PRKG1: variants seen among roughly 807,000 people sequenced by gnomAD.
PRKG1 encodes the protein cGMP-dependent protein kinase 1.
A neutral mutation model predicts 88.1 loss-of-function variants in PRKG1; 35 were observed. That is an observed-to-expected ratio of 0.40 (90% confidence interval 0.30 to 0.53). The LOEUF (loss-of-function observed/expected upper bound fraction) is 0.53, where lower values mean the gene tolerates loss of function less well. Ranked by LOEUF, PRKG1 falls within the 20% of genes least tolerant of loss-of-function variation. The pLI, the probability that PRKG1 is intolerant of heterozygous loss-of-function variation, is 0.59. For missense variants in PRKG1, 540 were observed against 839.8 expected (o/e 0.64, Z 4.41); for synonymous variants, 303 against 292.5 (o/e 1.04, Z -0.37).
intron 2 of PRKG1, among the ~76,000 whole-genome samples, chr10:51,230,264 G>A (rs372634276): frequency 1.2e-4 from 18 of 152,138 alleles, no homozygotes; most frequent in Admixed American, 9.2e-4. Context: ...GTTTCAGAAG[G>A]GTATATGCAC....
At chr10:51,265,122 T>C (rs1031675556) in intron 2 of PRKG1, among the ~76,000 whole-genome samples, 1 of 152,140 alleles carries the variant, frequency 6.6e-6, no homozygotes, top group African/African-American at 2.4e-5. Flanking sequence ...AATTCAAACA[T>C]GTTCTGGGCA....
chr10:51,597,529 A>C lies in PRKG1; in HGVS notation c.592+129693A>C, dbSNP rs16920086. On this transcript the variant is annotated intron_variant, in intron 3 of 17. Coordinates refer to ENST00000373980, the MANE Select transcript of PRKG1 (RefSeq NM_006258.4). ...CTCTTGGCATATCTCATATTCCTTC[A>C]TAAATCAATTTTTAAATCACATTGA... 5.3e-4 allele frequency among the ~76,000 whole-genome samples: 80 copies of C among 152,346 alleles called. 1 individual carries two copies. In the East Asian group the frequency reaches 0.011, roughly 20 times the overall value.
intron 2 of PRKG1, among the ~76,000 whole-genome samples, chr10:51,408,248 T>C (rs893709791): frequency 3.3e-5 from 5 of 152,220 alleles, no homozygotes; most frequent in Admixed American, 6.5e-5. Context: ...GTTGGTATTG[T>C]AATTGTGACT....
chr10:51,241,623 A>G (rs1053398929), intron 2 of PRKG1, among the ~76,000 whole-genome samples: 1 of 152,140 alleles, frequency 6.6e-6, no homozygotes, highest in Admixed American at 6.6e-5. Context: ...CCAAACCTAT[A>G]AAGTGACAGC....
chr10:51,080,648 G>A (rs761699328), intron 1 of PRKG1, among the ~76,000 whole-genome samples: 2 of 152,210 alleles, frequency 1.3e-5, no homozygotes, highest in Non-Finnish European at 1.5e-5. Flanking sequence ...AGCACATGCT[G>A]AAAGCAGCAT....
intron 3 of PRKG1, among the ~76,000 whole-genome samples, chr10:51,485,024 C>T (rs1203105440): frequency 6.6e-6 from 1 of 152,146 alleles, no homozygotes; most frequent in African/African-American, 2.4e-5. Context: ...GAAATTTGAG[C>T]TTCAGGCTGT....
chr10:51,100,998 C>G (rs915743497), intron 1 of PRKG1, among the ~76,000 whole-genome samples: 1 of 152,132 alleles, frequency 6.6e-6, no homozygotes, highest in Non-Finnish European at 1.5e-5. Flanking sequence ...GAAGTTTTCA[C>G]CAAGGGAGTC....
rs543544382 is a variant in PRKG1, at chr10:52,069,850, G to A, written c.935+7219G>A. On this transcript the variant is annotated intron_variant, in intron 7 of 17. Transcript: ENST00000373980. The stretch of plus-strand genomic sequence containing the variant: ...TGAAATATTATTCTGTTTCATTCTC[G>A]GTCAATATATTATTTTTTTCTTTTC... Among the ~76,000 whole-genome samples the A allele has an allele frequency of 9.9e-5, 15 of 151,154 alleles. No individual in the cohort carries two copies. In the East Asian group the frequency reaches 2.3e-3, roughly 24 times the overall value.
At chr10:51,763,817 CCTT>C (rs60839142) in intron 3 of PRKG1, among the ~76,000 whole-genome samples, 3,302 of 152,094 alleles carry the variant, frequency 0.022, 120 homozygotes, top group African/African-American at 0.075. Flanking sequence ...TTAGTGAGGG[CCTT>C]CTTAGTGGTG....
chr10:51,066,662 T>C lies in PRKG1; in HGVS notation c.266+75018T>C, dbSNP rs189552941. Among the ~76,000 whole-genome samples the C allele has an allele frequency of 1.3e-3, 201 of 152,294 alleles. 1 individual carries two copies. Among genetic ancestry groups the C allele is most frequent in the Non-Finnish European group, 2.1e-3 (141 of 67,974 alleles). On this transcript the variant is annotated intron_variant, in intron 1 of 17. Transcript: ENST00000401604. Reference sequence around the variant, plus strand: ...TTAAACAATGTATATATTTACCATTTATTTACATGGTATATACAGTATGTA... The same window carrying C: ...TTAAACAATGTATATATTTACCATTCATTTACATGGTATATACAGTATGTA...
chr10:52,058,548 G>C (rs1295167786), intron 6 of PRKG1, among the ~76,000 whole-genome samples: 1 of 152,008 alleles, frequency 6.6e-6, no homozygotes, highest in Non-Finnish European at 1.5e-5. Flanking sequence ...ATCAGTAAAT[G>C]AAAGTAACTG....
intron 4 of PRKG1, among the ~76,000 whole-genome samples, chr10:51,850,349 G>T (rs1024709117): frequency 1.3e-5 from 2 of 152,042 alleles, no homozygotes; most frequent in Non-Finnish European, 2.9e-5. Context: ...GCTAATTTTT[G>T]TATTTTTAGT....
At chr10:51,799,939 T>C (rs758791334) in intron 3 of PRKG1, among the ~76,000 whole-genome samples, 21 of 152,098 alleles carry the variant, frequency 1.4e-4, no homozygotes, top group African/African-American at 5.1e-4. Context: ...ATCATTTATA[T>C]TGAAATACTG....
chr10:52,045,262 G>C (rs991422444), intron 5 of PRKG1, among the ~76,000 whole-genome samples: 8 of 152,008 alleles, frequency 5.3e-5, no homozygotes, highest in African/African-American at 1.9e-4. Context: ...GTCCTATCTA[G>C]TGGGGATCAG....
chr10:51,330,156 ATTTT>A (rs68018506), intron 2 of PRKG1, among the ~76,000 whole-genome samples: 1 of 117,080 alleles, frequency 8.5e-6, no homozygotes, highest in Non-Finnish European at 1.8e-5. Flanking sequence ...TTTTTTATTT[ATTTT>A]TTTTTTTTGA....
chr10:52,038,423 A>G (rs1845672008), intron 5 of PRKG1, among the ~76,000 whole-genome samples: 1 of 151,494 alleles, frequency 6.6e-6, no homozygotes, highest in African/African-American at 2.4e-5. Flanking sequence ...TAAGGGGTCG[A>G]GCATGGAAAT....
At chr10:51,621,465 A>G (rs1839210492) in intron 3 of PRKG1, among the ~76,000 whole-genome samples, 1 of 152,096 alleles carries the variant, frequency 6.6e-6, no homozygotes, top group African/African-American at 2.4e-5. Context: ...GGCATTTGAA[A>G]ATTTGAGAGA....
intron 2 of PRKG1, among the ~76,000 whole-genome samples, chr10:51,393,435 C>T (rs1385973942): frequency 1.3e-5 from 2 of 151,728 alleles, no homozygotes; most frequent in South Asian, 2.1e-4. Flanking sequence ...CAGGCAGAGA[C>T]GCTCCTCACT....
chr10:51,855,195 A>G (rs567461500), intron 4 of PRKG1, among the ~76,000 whole-genome samples: 1 of 152,218 alleles, frequency 6.6e-6, no homozygotes, highest in Admixed American at 6.5e-5. Flanking sequence ...ATCCTGCTGT[A>G]CTCTCTATCT....
Sources: allele counts gnomAD v4.1 joint callset (sites outside exome capture counted in the v4.1 genomes callset), GRCh38; gene constraint gnomAD v4.1.1; transcripts MANE v1.5; gene names NCBI Gene and HGNC (gene_info 2026-07-23, HGNC 2026-07-21).